Variants in CUL2 observed in about 807,000 individuals in gnomAD.
The protein encoded by CUL2 is cullin 2.
A neutral mutation model predicts 110.2 loss-of-function variants in CUL2; 22 were observed. The ratio of observed to expected loss-of-function variants is 0.20; its 90% CI spans 0.14 to 0.28. The LOEUF is 0.28. Among genes scored for constraint, CUL2 ranks in the 10% least tolerant of loss-of-function variants. The pLI is 1.00. For synonymous variants in CUL2, 279 were observed against 293.2 expected, an observed-to-expected ratio of 0.95 and a Z score of 0.49; for missense variants, 631 against 905.5, an observed-to-expected ratio of 0.70 and a Z score of 3.89.
At chr10:35,075,482 C>T (rs185871520) in intron 1 of CUL2, among the ~76,000 whole-genome samples, 7 of 152,180 alleles carry the variant, frequency 4.6e-5, no homozygotes, top group Admixed American at 1.3e-4. Flanking sequence ...GATTCCCACG[C>T]GCACTCAGAT....
intron 1 of CUL2, among the ~76,000 whole-genome samples, chr10:35,124,269 AGTG>A (rs1189120343): frequency 6.6e-6 from 1 of 152,116 alleles, no homozygotes; most frequent in South Asian, 2.1e-4. Flanking sequence ...AATGAGAAAA[AGTG>A]GTCAGATTTA....
At position 35,009,668 on chromosome 10, in the gene CUL2, A is replaced by G. The variant is rs559058619; in HGVS notation, c.*643T>C. ...CAATATATCTAATCCATAAAAATAA[A>G]GCATTCTTTATGCTGAATGCAGTCC... On this transcript the variant is annotated 3_prime_UTR_variant, in exon 21 of 21. Coordinates refer to ENST00000374749, the MANE Select transcript of CUL2 (RefSeq NM_003591.4). 1.3e-5 allele frequency: 2 copies of G among 152,450 alleles called. No homozygotes were observed. The highest frequency in any genetic ancestry group is 2.9e-5 in the Non-Finnish European group (2 of 68,044). The allele number at this position is 152,450 out of a possible 1,614,324, so 9.4% of individuals were successfully genotyped here.
In CUL2 at chr10:35,073,490, G is replaced by A. The variant is rs190055500; in HGVS notation, c.-22-2151C>T. On this transcript the variant is annotated intron_variant, in intron 1 of 20. Transcript: ENST00000374749. ...AATATTTACATTGTGTATACTGCAA[G>A]CCAAGCACTAGTCTAAGTACCCTGT... Among the ~76,000 whole-genome samples the A allele has an allele frequency of 6.6e-5, 10 of 152,050 alleles. No individual in the cohort carries two copies. The East Asian group carries it at 1.9e-3, about 29-fold the overall frequency.
At chr10:35,082,196 AAC>A (rs966513822) in intron 1 of CUL2, among the ~76,000 whole-genome samples, 9 of 152,268 alleles carry the variant, frequency 5.9e-5, no homozygotes, top group Non-Finnish European at 1.3e-4. Context: ...CAGCCTGGGC[AAC>A]AGAGCCAGAC....
intron 4 of CUL2, 113 bp downstream of exon 4, chr10:35,060,761 A>G (rs1589017781): frequency 1.2e-6 from 1 of 801,608 alleles, no homozygotes. Context: ...GTCAGAGAGA[A>G]TGCTTTAGTT....
At chr10:35,067,516 G>C (rs1370753558) in intron 2 of CUL2, among the ~76,000 whole-genome samples, 1 of 152,128 alleles carries the variant, frequency 6.6e-6, no homozygotes. Context: ...TTAGGAGGCT[G>C]AGGTGGGGGG....
chr10:35,079,984 T>C (rs2086907205), intron 1 of CUL2, among the ~76,000 whole-genome samples: 1 of 152,234 alleles, frequency 6.6e-6, no homozygotes, highest in South Asian at 2.1e-4. Flanking sequence ...AGCAGGACAG[T>C]GCAAGATTTC....
intron 8 of CUL2, among the ~76,000 whole-genome samples, chr10:35,042,672 G>A (rs1218461804): frequency 1.3e-5 from 2 of 152,126 alleles, no homozygotes; most frequent in African/African-American, 2.4e-5. Context: ...TGCACTCATG[G>A]TGATTTCAGA....
At chr10:35,105,597 C>T (rs995886656) in intron 1 of CUL2, among the ~76,000 whole-genome samples, 2 of 145,666 alleles carry the variant, frequency 1.4e-5, no homozygotes, top group African/African-American at 5.1e-5. Flanking sequence ...AGTCCCAGCT[C>T]CTCAGGAGGC....
At chr10:35,015,212 G>C (rs1444926811) in intron 18 of CUL2, among the ~76,000 whole-genome samples, 1 of 150,724 alleles carries the variant, frequency 6.6e-6, no homozygotes, top group Admixed American at 6.6e-5. Flanking sequence ...AGAATCATTT[G>C]AACCCAGGAG....
Position 35,033,284 on chromosome 10 carries a change from A to T in CUL2, c.1003-11T>A, listed in dbSNP as rs200699967. The T allele has an allele frequency of 6.3e-7, 1 of 1,580,910 alleles. No homozygotes were observed. Among genetic ancestry groups the T allele is most frequent in the Non-Finnish European group, 8.7e-7 (1 of 1,150,210 alleles). On this transcript the variant is annotated splice_polypyrimidine_tract_variant and intron_variant, in intron 10 of 20. Coordinates refer to ENST00000374749, the MANE Select transcript of CUL2 (RefSeq NM_003591.4). The stretch of plus-strand genomic sequence containing the variant: ...AAATAGTGTTGGCATCTAAAAATGA[A>T]ATATAAGTACAAAACCACATTTTAA...
At chr10:35,095,402 G>A (rs2087282021), upstream of CUL2, among the ~76,000 whole-genome samples, 1 of 151,374 alleles carries the variant, frequency 6.6e-6, no homozygotes, top group South Asian at 2.1e-4. Context: ...AATCATGTTT[G>A]GGTTGATGTA....
rs761732333 is a variant in CUL2, at chr10:35,033,201, T to A, written c.1075A>T (p.Asn359Tyr). ...KFVQLINTVL[N>Y]GDQHFMSALD... ...GCACTCATAAAATGCTGATCACCATTCAAAACAGTGTTGATAAGCTGAACA... is the reference window on the plus strand; with the variant it reads ...GCACTCATAAAATGCTGATCACCATACAAAACAGTGTTGATAAGCTGAACA... The change falls in exon 11 of 21, where the codon AAT (asparagine) becomes TAT (tyrosine). Residue 359 changes from asparagine to tyrosine, a missense_variant. Physicochemically the swap from Asn to Tyr is moderately radical, Grantham distance 143. Around this residue, in one of 3 missense-constraint regions of CUL2, gnomAD observed 338 missense variants for 442.5 expected, o/e 0.76. Transcript: ENST00000374749. 4 of 1,613,620 alleles carry A rather than the reference T, an allele frequency of 2.5e-6. No individual in the cohort carries two copies. In the South Asian group the frequency reaches 4.4e-5, roughly 18 times the overall value.
chr10:35,115,007 T>G (rs1255795343), intron 1 of CUL2, among the ~76,000 whole-genome samples: 1 of 149,390 alleles, frequency 6.7e-6, no homozygotes, highest in Non-Finnish European at 1.5e-5. Flanking sequence ...AGGTCAGAAG[T>G]TCGAGACCAG....
chr10:35,051,494 T>C (rs1318386925), intron 5 of CUL2, among the ~76,000 whole-genome samples: 3 of 151,620 alleles, frequency 2.0e-5, no homozygotes, highest in Admixed American at 1.3e-4. Flanking sequence ...GCGCCTGTAG[T>C]CCCAGCTACT....
At chr10:35,047,285 A>G (rs2085967571) in intron 6 of CUL2, among the ~76,000 whole-genome samples, 1 of 152,132 alleles carries the variant, frequency 6.6e-6, no homozygotes, top group Non-Finnish European at 1.5e-5. Flanking sequence ...CTGTGAGTGA[A>G]CACATTAGAT....
chr10:35,045,412 C>T (rs973803252), intron 6 of CUL2, among the ~76,000 whole-genome samples: 1 of 151,334 alleles, frequency 6.6e-6, no homozygotes, highest in African/African-American at 2.4e-5. Flanking sequence ...TAGAGCGAGA[C>T]CTCATTCAAA....
intron 1 of CUL2, among the ~76,000 whole-genome samples, chr10:35,085,317 C>T (rs887056981): frequency 4.6e-5 from 7 of 150,834 alleles, no homozygotes; most frequent in African/African-American, 1.7e-4. Flanking sequence ...GTAGTCCCAG[C>T]TACTTTGGAG....
chr10:35,049,821 T>C (rs1399238062), intron 5 of CUL2, 56 bp from the exon 6 acceptor site: 7 of 1,167,706 alleles, frequency 6.0e-6, no homozygotes, highest in Non-Finnish European at 8.7e-6. Flanking sequence ...TGTTTAACAT[T>C]TCCTCAAGGT....
Sources: allele counts gnomAD v4.1 joint callset (sites outside exome capture counted in the v4.1 genomes callset), GRCh38; gene constraint gnomAD v4.1.1; regional missense constraint gnomAD v4.1.1; transcripts MANE v1.5; gene names NCBI Gene and HGNC (gene_info 2026-07-23, HGNC 2026-07-21).